Variants in CCDC171 observed in about 807,000 individuals in gnomAD.
The protein encoded by CCDC171 is coiled-coil domain-containing protein 171.
Under a neutral mutation model 168.2 loss-of-function variants are expected in CCDC171, and 177 were observed. The observed-to-expected ratio is 1.05, with a 90% CI of 0.93 to 1.19. The LOEUF is 1.19. Among genes scored for constraint, CCDC171 ranks in the 50% most tolerant of loss-of-function variants. The pLI is 0.00. For missense variants in CCDC171, 1,991 were observed against 1,539.0 expected, an observed-to-expected ratio of 1.29 and a Z score of -4.91; for synonymous variants, 687 against 540.8, an observed-to-expected ratio of 1.27 and a Z score of -3.75.
At chr9:15,555,190 A>G (rs2038688399) in intron 1 of CCDC171, among the ~76,000 whole-genome samples, 1 of 152,170 alleles carries the variant, frequency 6.6e-6, no homozygotes, top group Non-Finnish European at 1.5e-5. Flanking sequence ...ATTTTTAAAA[A>G]TGCTTCTCAT....
chr9:15,626,499 G>A lies in CCDC171; in HGVS notation c.822+3086G>A, dbSNP rs1443572471. Among the ~76,000 whole-genome samples the A allele has an allele frequency of 3.9e-5, 6 of 152,118 alleles. No homozygotes were observed. The East Asian group carries it at 9.6e-4, about 24-fold the overall frequency. On this transcript the variant is annotated intron_variant, in intron 7 of 25. Transcript: ENST00000380701. Reference sequence around the variant, plus strand: ...TTGATATACATCCCATCAATACCTAGTTTATTGAGAGTTTTTAGCATAAAG... The same window carrying A: ...TTGATATACATCCCATCAATACCTAATTTATTGAGAGTTTTTAGCATAAAG...
At position 15,733,206 on chromosome 9, in the gene CCDC171, A is replaced by G. The variant is rs186764163; in HGVS notation, c.2049+3408A>G. ...ATTTTGAGAGTTATTTACATACCGG[A>G]GGTTCAGGTCATTTTTCAGATACAT... On this transcript the variant is annotated intron_variant, in intron 16 of 25. Transcript: ENST00000380701. Among the ~76,000 whole-genome samples the G allele has an allele frequency of 3.6e-4, 55 of 152,154 alleles. 1 individual carries two copies. Among genetic ancestry groups the G allele is most frequent in the Non-Finnish European group, 6.8e-4 (46 of 67,982 alleles).
At chr9:15,967,197 G>T (rs940586813) in intron 25 of CCDC171, among the ~76,000 whole-genome samples, 1 of 152,168 alleles carries the variant, frequency 6.6e-6, no homozygotes, top group Admixed American at 6.5e-5. Flanking sequence ...TCTGGTAAGA[G>T]CACGTTAGGA....
chr9:16,080,849 C>A, the CCDC171 span, among the ~76,000 whole-genome samples: 2 of 152,170 alleles, frequency 1.3e-5, no homozygotes, highest in Non-Finnish European at 2.9e-5. Context: ...CTGCTGCCCC[C>A]AGGCTGTATC....
intron 18 of CCDC171, 22 bp from the exon 19 acceptor site, chr9:15,777,578 C>A: frequency 6.6e-7 from 1 of 1,512,364 alleles, no homozygotes; most frequent in South Asian, 1.2e-5. Context: ...ATTTTTGTGC[C>A]TTTTTTTCTT....
chr9:16,027,342 A>G (rs1312496278), intron 6 of CCDC171, among the ~76,000 whole-genome samples: 2 of 152,032 alleles, frequency 1.3e-5, no homozygotes, highest in East Asian at 3.9e-4. Flanking sequence ...CTGACTGAAT[A>G]CCTGGACCAC....
intron 7 of CCDC171, among the ~76,000 whole-genome samples, chr9:15,636,705 G>A (rs1355549031): frequency 1.3e-4 from 19 of 143,878 alleles, no homozygotes; most frequent in Non-Finnish European, 2.5e-4. Flanking sequence ...AGCTGTGATC[G>A]TGCTGCTGTA....
chr9:15,702,902 G>GT (rs35364758), intron 11 of CCDC171, among the ~76,000 whole-genome samples: 336 of 143,086 alleles, frequency 2.3e-3, no homozygotes, highest in Admixed American at 5.2e-3. Context: ...TAGGGCCTTG[G>GT]TTTTTTTTTT....
chr9:15,643,618 T>C (rs1265731671), intron 7 of CCDC171, among the ~76,000 whole-genome samples: 1 of 152,218 alleles, frequency 6.6e-6, no homozygotes, highest in Non-Finnish European at 1.5e-5. Flanking sequence ...AATTCAATGC[T>C]TTTAATATAT....
At chr9:16,029,303 G>A (rs538142469) in intron 6 of CCDC171, among the ~76,000 whole-genome samples, 1 of 152,216 alleles carries the variant, frequency 6.6e-6, no homozygotes, top group African/African-American at 2.4e-5. Flanking sequence ...TCTGGTTTAG[G>A]TCTTAGGTCT....
intron 24 of CCDC171, among the ~76,000 whole-genome samples, chr9:15,882,549 G>A (rs1177610): frequency 0.78 from 118,336 of 152,058 alleles, 46,813 homozygotes; most frequent in East Asian, 0.85. Flanking sequence ...CCCAGTGTTT[G>A]GAAAAACTTA....
At position 15,560,363 on chromosome 9, in the gene CCDC171, C is replaced by G. The variant is rs529280538; in HGVS notation, c.-111-3615C>G. Among the ~76,000 whole-genome samples, 8 of 152,260 alleles carry G rather than the reference C, an allele frequency of 5.3e-5. No individual in the cohort carries two copies. The East Asian group carries it at 1.4e-3, about 26-fold the overall frequency. ...ATTCTCCCCGTCACTTTCAGGTACA[C>G]CAATCAGACGTAGTTTTGGTCTTTT... is the stretch of plus-strand genomic sequence containing the variant. On this transcript the variant is annotated intron_variant, in intron 1 of 25. Transcript: ENST00000380701.
At chr9:15,974,924 A>G (rs570966687), downstream of CCDC171, among the ~76,000 whole-genome samples, 74 of 152,048 alleles carry the variant, frequency 4.9e-4, no homozygotes, top group African/African-American at 1.7e-3. Context: ...AGTTGATCCT[A>G]TTTCACTGTG....
chr9:15,606,135 C>T (rs1037567666), intron 6 of CCDC171, among the ~76,000 whole-genome samples: 2 of 152,138 alleles, frequency 1.3e-5, no homozygotes, highest in African/African-American at 4.8e-5. Flanking sequence ...GTCTTTCTCC[C>T]ACTCTAAATA....
chr9:15,962,185 A>T (rs1042957056), intron 25 of CCDC171, among the ~76,000 whole-genome samples: 2 of 152,184 alleles, frequency 1.3e-5, no homozygotes, highest in South Asian at 4.1e-4. Context: ...AACAGAAAAC[A>T]TATACCCTAG....
intron 9 of CCDC171, among the ~76,000 whole-genome samples, chr9:15,671,221 G>T (rs1390623027): frequency 6.6e-6 from 1 of 151,990 alleles, no homozygotes; most frequent in Non-Finnish European, 1.5e-5. Context: ...AACACTAACA[G>T]AACCGAAAGT....
chr9:15,730,982 G>C (rs769588694), intron 16 of CCDC171, among the ~76,000 whole-genome samples: 1 of 151,954 alleles, frequency 6.6e-6, no homozygotes, highest in Non-Finnish European at 1.5e-5. Flanking sequence ...GGGTACATGT[G>C]ATATTTTGAT....
rs975410693 is a variant in CCDC171 at position 15,738,631 on chromosome 9, T to A, written c.2050-5642T>A. Among the ~76,000 whole-genome samples, 23 of 152,022 alleles carry A rather than the reference T, an allele frequency of 1.5e-4. No homozygotes were observed. In the East Asian group the frequency reaches 2.1e-3, roughly 14 times the overall value. The stretch of plus-strand genomic sequence containing the variant: ...GTGGAAAACATTCGATTTTTTTTTT[T>A]AAAGCAAATTTGCTCTATAGCTGTT... On this transcript the variant is annotated intron_variant, in intron 16 of 25. Transcript: ENST00000380701.
intron 24 of CCDC171, among the ~76,000 whole-genome samples, chr9:15,900,875 C>T (rs1374568607): frequency 3.9e-5 from 6 of 152,164 alleles, no homozygotes; most frequent in African/African-American, 1.4e-4. Context: ...TGCTGCCACC[C>T]TGCACAGCCC....
Sources: allele counts gnomAD v4.1 joint callset (sites outside exome capture counted in the v4.1 genomes callset), GRCh38; gene constraint gnomAD v4.1.1; transcripts MANE v1.5; gene names NCBI Gene and HGNC (gene_info 2026-07-23, HGNC 2026-07-21).